The following RHD variants were observed in gnomAD, a reference collection of about 807,000 sequenced individuals.
RHD encodes the protein Rh blood group D antigen, also known as blood group Rh(D) polypeptide.
In RHD, 16 loss-of-function variants were observed where a neutral mutation model predicts 45.5. The ratio of observed to expected loss-of-function variants is 0.35; its 90% CI spans 0.24 to 0.53. The LOEUF (loss-of-function observed/expected upper bound fraction) is 0.53. RHD is among the 20% of genes least tolerant of loss of function. The pLI, the probability that RHD is intolerant of heterozygous loss-of-function variation, is 0.92. For missense variants in RHD, 306 were observed against 532.0 expected (o/e 0.58, Z 4.18); for synonymous variants, 131 against 217.5 (o/e 0.60, Z 3.50).
chr1:25,321,793 A>C lies in RHD; in HGVS notation c.1154-96A>C, dbSNP rs990044455. 1.1e-5 allele frequency: 7 copies of C among 641,804 alleles called. No individual in the cohort carries two copies. In the African/African-American group the frequency reaches 1.2e-4, roughly 11 times the overall value. 39.8% of individuals were successfully genotyped at this position (641,804 alleles called of 1,614,324 possible). The stretch of plus-strand genomic sequence containing the variant: ...TGTGGGAGAAAAAGGATTTCTGTTG[A>C]GATACTGTCGTTTTGACACACAATA... On this transcript the variant is annotated intron_variant, in intron 8 of 9. Coordinates refer to ENST00000328664, the MANE Select transcript of RHD (RefSeq NM_016124.6).
chr1:25,321,498 TA>T (rs1214598540), intron 8 of RHD, among the ~76,000 whole-genome samples: 1,875 of 76,324 alleles, frequency 0.025, 106 homozygotes, highest in African/African-American at 0.072. Flanking sequence ...CCATCTCTAC[TA>T]AAAAAAAAAA....
intron 3 of RHD, among the ~76,000 whole-genome samples, chr1:25,298,972 A>T (rs1643157263): frequency 7.9e-6 from 1 of 126,192 alleles, no homozygotes; most frequent in South Asian, 2.4e-4. Flanking sequence ...TAACGAGTGC[A>T]CAAGCCATAT....
chr1:25,273,536 C>T (rs1365966551), intron 1 of RHD, among the ~76,000 whole-genome samples: 1 of 84,904 alleles, frequency 1.2e-5, no homozygotes, highest in Non-Finnish European at 2.9e-5. Context: ...TTTCTTCTCA[C>T]TTAGGGGCTG....
chr1:25,297,913 A>G lies in RHD; in HGVS notation c.487-3033A>G, dbSNP rs752102917. On this transcript the variant is annotated intron_variant, in intron 3 of 9. Transcript: ENST00000328664. Reference sequence around the variant, plus strand: ...ACTCAGGAGGGCACTAGAACTGGCTATGAGAAGCCACTGAGATCCCAGGTA... The same window carrying G: ...ACTCAGGAGGGCACTAGAACTGGCTGTGAGAAGCCACTGAGATCCCAGGTA... Among the ~76,000 whole-genome samples the G allele has an allele frequency of 3.0e-5, 4 of 131,672 alleles. 2 individuals carry two copies. Among genetic ancestry groups the G allele is most frequent in the Non-Finnish European group, 7.2e-5 (4 of 55,786 alleles). The allele number at this position is 131,672 out of a possible 152,430, so 86.4% of individuals were successfully genotyped here. A position where few individuals can be genotyped will look rare whatever the true frequency, so the allele number is the denominator to read the frequency against.
rs534096340 is a variant in RHD at position 25,299,791 on chromosome 1, T to C, written c.487-1155T>C. Reference sequence around the variant, plus strand: ...ATTTGACGCAGTGTCACTCTGTCGCTGAAGCTGGAGTGCAGTGGCGACATC... The same window carrying C: ...ATTTGACGCAGTGTCACTCTGTCGCCGAAGCTGGAGTGCAGTGGCGACATC... On this transcript the variant is annotated intron_variant, in intron 3 of 9. Coordinates refer to ENST00000328664, the MANE Select transcript of RHD (RefSeq NM_016124.6). 2.2e-4 allele frequency among the ~76,000 whole-genome samples: 29 copies of C among 132,838 alleles called. 3 individuals carry two copies. Among genetic ancestry groups the C allele is most frequent in the African/African-American group, 7.0e-4 (27 of 38,620 alleles). The allele number at this position is 132,838 out of a possible 152,430, so 87.1% of individuals were successfully genotyped here.
intron 7 of RHD, among the ~76,000 whole-genome samples, chr1:25,307,457 G>C (rs1643908563): frequency 7.5e-6 from 1 of 132,602 alleles, no homozygotes; most frequent in African/African-American, 2.6e-5. Context: ...TAGATTTTTA[G>C]AGATGAACTG....
intron 7 of RHD, among the ~76,000 whole-genome samples, chr1:25,314,373 G>A (rs1021658672): frequency 1.5e-5 from 2 of 132,980 alleles, no homozygotes; most frequent in African/African-American, 2.6e-5. Context: ...CTTTTCTTGT[G>A]AAATGTCTAT....
intron 9 of RHD, among the ~76,000 whole-genome samples, chr1:25,322,441 G>A (rs1263692547): frequency 1.5e-5 from 2 of 133,090 alleles, no homozygotes; most frequent in African/African-American, 5.1e-5. Flanking sequence ...GGGAGGCTGA[G>A]GTGGGGCGAT....
rs780001468 is a variant in RHD at position 25,306,635 on chromosome 1, A to G, written c.979A>G (p.Ile327Val). ...AGTGCTGGGGATTCCCCACAGCTCC[A>G]TCATGGGCTACAACTTCAGCTTGCT... ...NRVLGIPHSS[I>V]MGYNFSLLGL... Residue 327 changes from isoleucine to valine, a missense_variant, in exon 7 of 10, where the codon ATC becomes GTC. Transcript: ENST00000328664. 8.7e-6 allele frequency: 12 copies of G among 1,378,452 alleles called. 2 individuals carry two copies. Among genetic ancestry groups the G allele is most frequent in the Middle Eastern group, 1.8e-4 (1 of 5,524 alleles). The allele number at this position is 1,378,452 out of a possible 1,614,324, so 85.4% of individuals were successfully genotyped here. A position where few individuals can be genotyped will look rare whatever the true frequency, so the allele number is the denominator to read the frequency against.
chr1:25,295,681 T>C lies in RHD; in HGVS notation c.486+4890T>C, dbSNP rs1435383538. Among the ~76,000 whole-genome samples the C allele has an allele frequency of 4.7e-5, 5 of 105,496 alleles. 2 individuals carry two copies. The highest frequency in any genetic ancestry group is 1.1e-4 in the Non-Finnish European group (5 of 43,988). The allele number at this position is 105,496 out of a possible 152,430, so 69.2% of individuals were successfully genotyped here. A position where few individuals can be genotyped will look rare whatever the true frequency, so the allele number is the denominator to read the frequency against. On this transcript the variant is annotated intron_variant, in intron 3 of 9. Coordinates refer to ENST00000328664, the MANE Select transcript of RHD (RefSeq NM_016124.6). ...TGGACTAAGATCATTTGTGGAAGAA[T>C]GATGGAGAGAAAGGCTGAAGGGCAG...
In RHD at chr1:25,284,652, T is replaced by G; in HGVS notation, c.228T>G (p.Ser76Arg). ...GTTTCCGGAGACACAGCTGGAGCAG[T>G]GTGGCCTTCAACCTCTTCATGCTGG... ...TSSFRRHSWS[S>R]VAFNLFMLAL... is the part of the protein sequence containing the mutation. Residue 76 changes from serine (S) to arginine (R), a missense_variant, in exon 2 of 10, where the codon AGT (serine) becomes AGG (arginine). By Grantham distance (110) the Ser-to-Arg change is moderately radical. Transcript: ENST00000328664. 7.2e-7 allele frequency: 1 copy of G among 1,388,930 alleles called. No homozygotes were observed. Among genetic ancestry groups the G allele is most frequent in the Non-Finnish European group, 1.0e-6 (1 of 985,572 alleles). 86.0% of individuals were successfully genotyped at this position (1,388,930 alleles called of 1,614,324 possible).
At chr1:25,315,703 A>G (rs1171518589) in intron 7 of RHD, among the ~76,000 whole-genome samples, 1 of 128,804 alleles carries the variant, frequency 7.8e-6, no homozygotes, top group East Asian at 2.0e-4. Flanking sequence ...TCACTGTGTT[A>G]GCCAGGATGG....
intron 8 of RHD, chr1:25,318,311 G>C (rs1644515449): frequency 7.6e-6 from 1 of 132,156 alleles, no homozygotes; most frequent in Admixed American, 7.4e-5. Context: ...ATTCAGGCCA[G>C]GTGCAGTGGC....
chr1:25,273,137 A>AT, intron 1 of RHD, among the ~76,000 whole-genome samples: 1 of 128,258 alleles, frequency 7.8e-6, no homozygotes. Flanking sequence ...CCTCTCGCTC[A>AT]TTTCTTATTT....
In RHD at chr1:25,272,617, C is replaced by T; in HGVS notation, c.70C>T (p.Leu24Phe). 2 of 1,578,432 alleles carry T rather than the reference C, an allele frequency of 1.3e-6. No individual in the cohort carries two copies. ...PLWALTLEAALILLFYFFTHY... is the reference protein window; with the variant it reads ...PLWALTLEAAFILLFYFFTHY... ...CTGGGCCCTAACACTGGAAGCAGCT[C>T]TCATTCTCCTCTTCTATTTTTTTAC... The change falls in exon 1 of 10, where the codon CTC becomes TTC. Residue 24 changes from leucine to phenylalanine, a missense_variant. Physicochemically the swap from Leu to Phe is conservative, Grantham distance 22 (BLOSUM62 0). Transcript: ENST00000328664.
rs1178992704 is a variant in RHD at position 25,280,766 on chromosome 1, C to T, written c.149-3807C>T. 1.5e-5 allele frequency among the ~76,000 whole-genome samples: 2 copies of T among 130,982 alleles called. 1 individual carries two copies. The highest frequency in any genetic ancestry group is 5.2e-5 in the African/African-American group (2 of 38,264). 85.9% of individuals were successfully genotyped at this position (130,982 alleles called of 152,430 possible). On this transcript the variant is annotated intron_variant, in intron 1 of 9. Coordinates refer to ENST00000328664, the MANE Select transcript of RHD (RefSeq NM_016124.6). ...AGCTGGGACTACAGGCACTCGCCAC[C>T]ACGCCCAAGTAATTTTGTATTTTTT... is the stretch of plus-strand genomic sequence containing the variant.
intron 2 of RHD, among the ~76,000 whole-genome samples, chr1:25,289,002 G>T (rs1468812318): frequency 3.7e-5 from 5 of 134,122 alleles, no homozygotes; most frequent in Non-Finnish European, 5.3e-5. Flanking sequence ...AGCGGGCATA[G>T]TCTGCAGCAA....
rs561120582 is a variant in RHD, at chr1:25,281,075, G to C, written c.149-3498G>C. On this transcript the variant is annotated intron_variant, in intron 1 of 9. Transcript: ENST00000328664. ...ATGTGTTACAGACAGGGAAACTGAGGCCTAAAGAGGGTAATGGACTTGCCT... is the reference window on the plus strand; with the variant it reads ...ATGTGTTACAGACAGGGAAACTGAGCCCTAAAGAGGGTAATGGACTTGCCT... Among the ~76,000 whole-genome samples the C allele has an allele frequency of 2.4e-3, 316 of 132,510 alleles. 40 individuals carry two copies. Among genetic ancestry groups the C allele is most frequent in the African/African-American group, 7.4e-3 (284 of 38,568 alleles). 86.9% of individuals were successfully genotyped at this position (132,510 alleles called of 152,430 possible).
rs1224995646 is a variant in RHD, at chr1:25,318,354, G to A, written c.1153+1275G>A. 1.5e-5 allele frequency: 2 copies of A among 131,824 alleles called. 1 individual carries two copies. The highest frequency in any genetic ancestry group is 4.6e-4 in the South Asian group (2 of 4,308). The allele number at this position is 131,824 out of a possible 1,614,324, so 8.2% of individuals were successfully genotyped here. On this transcript the variant is annotated intron_variant, in intron 8 of 9. Transcript: ENST00000328664. ...TGTAATCCCAGCACTTTGGGAGGCTGAGACAGGTAGATCACTTGAGGTCAG... is the reference window on the plus strand; with the variant it reads ...TGTAATCCCAGCACTTTGGGAGGCTAAGACAGGTAGATCACTTGAGGTCAG...
Sources: allele counts gnomAD v4.1 joint callset (sites outside exome capture counted in the v4.1 genomes callset), GRCh38; gene constraint gnomAD v4.1.1; transcripts MANE v1.5; gene names NCBI Gene and HGNC (gene_info 2026-07-23, HGNC 2026-07-21).